The following ADAM2 variants were observed in gnomAD, a reference collection of about 807,000 sequenced individuals.
ADAM2 encodes disintegrin and metalloproteinase domain-containing protein 2.
A neutral mutation model predicts 99.3 loss-of-function variants in ADAM2; 101 were observed. The ratio of observed to expected loss-of-function variants is 1.02; its 90% CI spans 0.87 to 1.20. The LOEUF (loss-of-function observed/expected upper bound fraction) is 1.20. Among genes scored for constraint, ADAM2 ranks in the 50% most tolerant of loss-of-function variants. The pLI, the probability that ADAM2 is intolerant of heterozygous loss-of-function variation, is 0.00. For missense variants in ADAM2, 948 were observed against 878.7 expected (o/e 1.08, Z -1.00); for synonymous variants, 323 against 287.6 (o/e 1.12, Z -1.25).
At chr8:39,782,474 A>C (rs970278992) in intron 10 of ADAM2, among the ~76,000 whole-genome samples, 1 of 152,152 alleles carries the variant, frequency 6.6e-6, no homozygotes, top group African/African-American at 2.4e-5. Context: ...TACAAGCATT[A>C]AATATTTTGG....
chr8:39,825,312 C>T (rs984767696), intron 3 of ADAM2, among the ~76,000 whole-genome samples: 1 of 152,174 alleles, frequency 6.6e-6, no homozygotes, highest in African/African-American at 2.4e-5. Flanking sequence ...AAACCATACT[C>T]TAAATTTGCT....
chr8:39,759,087 C>T (rs924002322), intron 15 of ADAM2, among the ~76,000 whole-genome samples: 54 of 152,040 alleles, frequency 3.6e-4, no homozygotes, highest in African/African-American at 1.3e-3. Flanking sequence ...TATAACTCCT[C>T]CAAAATTACA....
At chr8:39,834,024 A>T in intron 2 of ADAM2, 25 bp from the exon 3 acceptor site, 1 of 1,438,212 alleles carries the variant, frequency 7.0e-7, no homozygotes, top group Non-Finnish European at 9.7e-7. Flanking sequence ...CAGTAAAAAT[A>T]CAAAGAAAAT....
intron 15 of ADAM2, among the ~76,000 whole-genome samples, chr8:39,758,973 A>G (rs544813458): frequency 6.6e-5 from 10 of 152,276 alleles, no homozygotes; most frequent in South Asian, 4.1e-4. Context: ...GTACATTTCT[A>G]GATAATAAAG....
chr8:39,800,623 C>T lies in ADAM2; in HGVS notation c.570+8787G>A, dbSNP rs191010321. ...TGGATAATATACTGAAGTGTGTTTTCCAGCTTGCTTCCATTCTCCCCATCT... is the reference window on the plus strand; with the variant it reads ...TGGATAATATACTGAAGTGTGTTTTTCAGCTTGCTTCCATTCTCCCCATCT... On this transcript the variant is annotated intron_variant, in intron 7 of 20. Transcript: ENST00000265708. Among the ~76,000 whole-genome samples the T allele has an allele frequency of 6.2e-3, 939 of 152,242 alleles. 2 individuals carry two copies. Among genetic ancestry groups the T allele is most frequent in the Admixed American group, 9.2e-3 (141 of 15,300 alleles).
chr8:39,826,499 A>G (rs1191596834), intron 3 of ADAM2, among the ~76,000 whole-genome samples: 2 of 152,096 alleles, frequency 1.3e-5, no homozygotes, highest in Non-Finnish European at 2.9e-5. Flanking sequence ...CGAGGCGGGT[A>G]GATCACGAGG....
intron 7 of ADAM2, among the ~76,000 whole-genome samples, chr8:39,790,920 C>T (rs1234588468): frequency 4.0e-5 from 6 of 151,720 alleles, no homozygotes; most frequent in African/African-American, 7.3e-5. Flanking sequence ...AGTGCTTTTC[C>T]CCCATGACAA....
rs549926110 is a variant in ADAM2, at chr8:39,838,177, G to C, written c.9C>G (p.Arg3=). The stretch of plus-strand genomic sequence containing the variant: ...CGAGCCCGCTGAGCAGAAACAAGAC[G>C]CGCCACATGGCTTGAAGTCCTGGGT... MW[R]VLFLLSGLGG... Residue 3 remains arginine (R), a synonymous_variant, in exon 1 of 21, where the codon CGC becomes CGG. Transcript: ENST00000265708. The C allele has an allele frequency of 6.2e-7, 1 of 1,614,124 alleles. No individual in the cohort carries two copies. The highest frequency in any genetic ancestry group is 1.7e-5 in the Admixed American group (1 of 60,016).
At chr8:39,787,092 G>A (rs1243934211) in intron 9 of ADAM2, 37 bp from the exon 10 acceptor site, 6 of 1,318,928 alleles carry the variant, frequency 4.5e-6, no homozygotes, top group African/African-American at 4.5e-5. Context: ...ATATAATTTT[G>A]TAAAAATTAA....
At chr8:39,762,514 T>C (rs1055963544) in intron 14 of ADAM2, among the ~76,000 whole-genome samples, 7 of 152,246 alleles carry the variant, frequency 4.6e-5, no homozygotes, top group African/African-American at 9.6e-5. Flanking sequence ...GGTTAGGCTA[T>C]AGTCTCAAGT....
At position 39,809,429 on chromosome 8, in the gene ADAM2, A is replaced by G; in HGVS notation, c.551T>C (p.Val184Ala). Residue 184 changes from valine to alanine, a missense_variant, in exon 7 of 21, where the codon GTT (valine) becomes GCT (alanine). By Grantham distance (64) the Val-to-Ala change is moderately conservative. Coordinates refer to ENST00000265708, the MANE Select transcript of ADAM2 (RefSeq NM_001464.5). ...QDFAKYIEMH[V>A]IVEKQLYNHM... Reference sequence around the variant, plus strand: ...ACTTACCAATTGTTTTTCAACTATAACATGCATTTCTATATACTTTGCAAA... The same window carrying G: ...ACTTACCAATTGTTTTTCAACTATAGCATGCATTTCTATATACTTTGCAAA... 1 of 1,390,354 alleles carries G rather than the reference A, an allele frequency of 7.2e-7. No individual in the cohort carries two copies. Among genetic ancestry groups the G allele is most frequent in the Non-Finnish European group, 1.0e-6 (1 of 990,934 alleles). 86.1% of individuals were successfully genotyped at this position (1,390,354 alleles called of 1,614,324 possible). A position where few individuals can be genotyped will look rare whatever the true frequency, so the allele number is the denominator to read the frequency against.
At chr8:39,792,041 T>C (rs1460186898) in intron 7 of ADAM2, among the ~76,000 whole-genome samples, 1 of 151,876 alleles carries the variant, frequency 6.6e-6, no homozygotes, top group Admixed American at 6.6e-5. Flanking sequence ...TGAAGAATAC[T>C]ATAAAATATC....
At chr8:39,824,002 G>A (rs998878518) in intron 4 of ADAM2, among the ~76,000 whole-genome samples, 6 of 152,110 alleles carry the variant, frequency 3.9e-5, no homozygotes, top group Non-Finnish European at 1.5e-5. Flanking sequence ...AAAGAACAGA[G>A]GCCAGGAGTA....
intron 6 of ADAM2, among the ~76,000 whole-genome samples, chr8:39,813,095 A>T (rs1285430613): frequency 6.6e-6 from 1 of 152,210 alleles, no homozygotes; most frequent in Non-Finnish European, 1.5e-5. Flanking sequence ...CAACCCCATC[A>T]AAAAGTGGGT....
At chr8:39,755,458 C>T (rs385539) in intron 16 of ADAM2, among the ~76,000 whole-genome samples, 86,046 of 151,996 alleles carry the variant, frequency 0.57, 24,372 homozygotes, top group South Asian at 0.67. Context: ...GTGGATCACC[C>T]GAGGTCAGGA....
chr8:39,758,779 A>G (rs1421052733), intron 15 of ADAM2, among the ~76,000 whole-genome samples: 1 of 152,098 alleles, frequency 6.6e-6, no homozygotes, highest in Admixed American at 6.5e-5. Context: ...CAGACTTTTG[A>G]AAAGGACACA....
chr8:39,811,544 C>G (rs992803343), intron 6 of ADAM2, among the ~76,000 whole-genome samples: 1 of 152,170 alleles, frequency 6.6e-6, no homozygotes, highest in Non-Finnish European at 1.5e-5. Flanking sequence ...TACTGGCAAA[C>G]CGAATCCAGC....
intron 7 of ADAM2, among the ~76,000 whole-genome samples, chr8:39,790,928 C>T (rs1359986946): frequency 6.6e-6 from 1 of 151,728 alleles, no homozygotes; most frequent in Non-Finnish European, 1.5e-5. Context: ...TCCCCCATGA[C>T]AAAAATATGA....
At chr8:39,785,607 C>T (rs1416308228) in intron 10 of ADAM2, among the ~76,000 whole-genome samples, 1 of 152,026 alleles carries the variant, frequency 6.6e-6, no homozygotes, top group Admixed American at 6.6e-5. Context: ...ACCAGCCTGG[C>T]CAATGTGGCA....
Sources: gnomAD v4.1 joint callset for allele counts (sites outside exome capture counted in the v4.1 genomes callset) on GRCh38, gnomAD v4.1.1 for gene constraint, MANE v1.5 for transcripts, NCBI Gene and HGNC (gene_info 2026-07-23, HGNC 2026-07-21) for gene names.